The following CENPN variants were observed in gnomAD, a reference collection of about 807,000 sequenced individuals.
The protein encoded by CENPN is centromere protein N.
Under a neutral mutation model 48.6 loss-of-function variants are expected in CENPN, and 36 were observed. That is an observed-to-expected ratio of 0.74 (90% CI 0.57 to 0.98). The LOEUF is 0.98. Ranked by LOEUF, CENPN falls within the 50% of genes least tolerant of loss-of-function variation. The pLI, the probability that CENPN is intolerant of heterozygous loss-of-function variation, is 0.00. For synonymous variants in CENPN, 166 were observed against 135.2 expected, an observed-to-expected ratio of 1.23 and a Z score of -1.58; for missense variants, 439 against 399.2, an observed-to-expected ratio of 1.10 and a Z score of -0.85.
At chr16:81,014,713 C>T (rs571200434) in intron 3 of CENPN, among the ~76,000 whole-genome samples, 4 of 152,174 alleles carry the variant, frequency 2.6e-5, no homozygotes, top group Non-Finnish European at 5.9e-5. Flanking sequence ...AGGTAGTGCC[C>T]GAGAAGCTGT....
At chr16:81,009,751 C>G (rs887218385) in intron 1 of CENPN, among the ~76,000 whole-genome samples, 1 of 152,194 alleles carries the variant, frequency 6.6e-6, no homozygotes, top group Non-Finnish European at 1.5e-5. Flanking sequence ...TAGGAAGATA[C>G]TTCTTTGTCC....
At chr16:81,021,651 C>T (rs1970209605) in intron 6 of CENPN, among the ~76,000 whole-genome samples, 1 of 152,152 alleles carries the variant, frequency 6.6e-6, no homozygotes, top group African/African-American at 2.4e-5. Flanking sequence ...CACTTCTTTA[C>T]ATTTGGGGTC....
At chr16:81,020,869 C>G (rs532647539) in intron 6 of CENPN, among the ~76,000 whole-genome samples, 7 of 152,208 alleles carry the variant, frequency 4.6e-5, no homozygotes, top group African/African-American at 1.4e-4. Flanking sequence ...GCAGGTGGAT[C>G]ACCTGAAGTC....
chr16:81,014,501 G>A (rs1969862112), intron 3 of CENPN: 2 of 281,518 alleles, frequency 7.1e-6, no homozygotes, highest in African/African-American at 2.2e-5. Flanking sequence ...GGGATTATAG[G>A]TGTGAACCGC....
chr16:81,016,626 T>C (rs939213852), intron 3 of CENPN, among the ~76,000 whole-genome samples: 10 of 152,054 alleles, frequency 6.6e-5, no homozygotes, highest in African/African-American at 2.4e-4. Context: ...AGCCAGGCGT[T>C]GTGGCAGGCA....
At chr16:81,022,769 T>C (rs748497645) in intron 7 of CENPN, 71 bp downstream of exon 7, 1 of 1,613,996 alleles carries the variant, frequency 6.2e-7, no homozygotes, top group Non-Finnish European at 8.5e-7. Flanking sequence ...TAGAAGCTAC[T>C]GGGAAAATCT....
intron 8 of CENPN, among the ~76,000 whole-genome samples, chr16:81,026,182 T>C (rs1453062758): frequency 1.4e-5 from 2 of 146,292 alleles, no homozygotes; most frequent in Non-Finnish European, 3.0e-5. Context: ...TATATATGTG[T>C]GTGTATATAT....
In CENPN at chr16:81,030,044, A is replaced by C. The variant is rs111407364; in HGVS notation, c.*1393A>C. ...AGAGAGCTTGTGCAGGGAAACTCCC[A>C]TTTATAAAACCACCAGAGCTCATGA... On this transcript the variant is annotated 3_prime_UTR_variant, in exon 11 of 11. Transcript: ENST00000305850. 534 of 245,428 alleles carry C rather than the reference A, an allele frequency of 2.2e-3. 6 individuals carry two copies. Among genetic ancestry groups the C allele is most frequent in the African/African-American group, 0.012 (497 of 43,134 alleles). 15.2% of individuals were successfully genotyped at this position (245,428 alleles called of 1,614,324 possible).
At chr16:81,028,065 T>C in intron 9 of CENPN, 106 bp from the exon 10 acceptor site, 2 of 1,007,696 alleles carry the variant, frequency 2.0e-6, no homozygotes. Flanking sequence ...TTCCTGTATT[T>C]CTTAATGGCA....
chr16:81,009,215 TA>T (rs1162007116), intron 1 of CENPN, among the ~76,000 whole-genome samples: 2 of 151,778 alleles, frequency 1.3e-5, no homozygotes, highest in East Asian at 1.9e-4. Flanking sequence ...AGATTCCGTC[TA>T]AAAAAAAGGA....
At position 81,024,695 on chromosome 16, in the gene CENPN, A is replaced by G. The variant is rs573612563; in HGVS notation, c.634-20A>G. On this transcript the variant is annotated intron_variant, in intron 7 of 10. Transcript: ENST00000305850. The stretch of plus-strand genomic sequence containing the variant: ...TTCAAGATGTCAAGATTAGTAAAAT[A>G]TTCACTTTTTTTTCCCTAGACCTTT... The G allele has an allele frequency of 2.6e-6, 4 of 1,555,444 alleles. No homozygotes were observed. The South Asian group carries it at 4.6e-5, about 18-fold the overall frequency.
chr16:81,027,353 TG>T (rs1437014290), intron 9 of CENPN, among the ~76,000 whole-genome samples: 1 of 152,026 alleles, frequency 6.6e-6, no homozygotes, highest in Non-Finnish European at 1.5e-5. Flanking sequence ...CAAGGTGTGG[TG>T]GCATGTGGCT....
At chr16:81,023,058 G>C (rs995829266) in intron 7 of CENPN, 31 of 548,468 alleles carry the variant, frequency 5.7e-5, no homozygotes, top group Non-Finnish European at 8.7e-5. Flanking sequence ...TTAACTTTTT[G>C]TCCCATCACT....
Position 81,028,682 on chromosome 16 carries a change from C to G in CENPN, c.*31C>G, listed in dbSNP as rs1218851920. On this transcript the variant is annotated 3_prime_UTR_variant, in exon 11 of 11. Coordinates refer to ENST00000305850, the MANE Select transcript of CENPN (RefSeq NM_001100624.3). The stretch of plus-strand genomic sequence containing the variant: ...GCGTGGTTTCTTAAGCACAGCTCCT[C>G]CTTCTTGATATTGCACATGCACTTC... The G allele has an allele frequency of 1.2e-5, 19 of 1,597,212 alleles. No homozygotes were observed. The highest frequency in any genetic ancestry group is 1.4e-5 in the Non-Finnish European group (17 of 1,175,622).
At chr16:81,024,478 C>G (rs867248002) in intron 7 of CENPN, 10 of 356,926 alleles carry the variant, frequency 2.8e-5, no homozygotes, top group African/African-American at 2.1e-4. Flanking sequence ...TCTGCACTCA[C>G]CAGATCCATT....
At position 81,026,567 on chromosome 16, in the gene CENPN, A is replaced by G; in HGVS notation, c.739A>G (p.Arg247Gly). ...TCATGAAAACATAGTAGAAAAAGAG[A>G]GAGTCCAACGAATAACTCAAGAAAC... Reference protein sequence around the residue: ...IIHENIVEKERVQRITQETFG... With the variant: ...IIHENIVEKEGVQRITQETFG... The change falls in exon 9 of 11, where the codon AGA becomes GGA. Residue 247 changes from arginine (R) to glycine (G), a missense_variant. Physicochemically the swap from Arg to Gly is moderately radical, Grantham distance 125 (BLOSUM62 -2). Transcript: ENST00000305850. 1 of 1,607,190 alleles carries G rather than the reference A, an allele frequency of 6.2e-7. No individual in the cohort carries two copies. The highest frequency in any genetic ancestry group is 8.5e-7 in the Non-Finnish European group (1 of 1,175,016).
rs140837917 is a variant in CENPN, at chr16:81,026,002, C to G, written c.698-524C>G. On this transcript the variant is annotated intron_variant, in intron 8 of 10. Transcript: ENST00000305850. ...ACAGGTGTGAGCCACCGTGCCCAGC[C>G]GAGACCCCATCTCTTAAAAAAAATA... Among the ~76,000 whole-genome samples, 17 of 148,820 alleles carry G rather than the reference C, an allele frequency of 1.1e-4. No individual in the cohort carries two copies. In the South Asian group the frequency reaches 2.1e-3, roughly 19 times the overall value.
In CENPN at chr16:81,019,394, T is replaced by C. The variant is rs542409980; in HGVS notation, c.355-706T>C. Among the ~76,000 whole-genome samples, 78 of 151,488 alleles carry C rather than the reference T, an allele frequency of 5.1e-4. 2 individuals are homozygous for C. Among genetic ancestry groups the C allele is most frequent in the African/African-American group, 1.8e-3 (75 of 41,216 alleles). Reference sequence around the variant, plus strand: ...ACCGTGCCTGGCTTTTTTTTTTTTTTCCGGTAGATACTGAGTTTCACTATG... The same window carrying C: ...ACCGTGCCTGGCTTTTTTTTTTTTTCCCGGTAGATACTGAGTTTCACTATG... On this transcript the variant is annotated intron_variant, in intron 5 of 10. Coordinates refer to ENST00000305850, the MANE Select transcript of CENPN (RefSeq NM_001100624.3).
At chr16:81,027,304 G>A (rs1030560013) in intron 9 of CENPN, among the ~76,000 whole-genome samples, 19 of 152,072 alleles carry the variant, frequency 1.2e-4, no homozygotes, top group Non-Finnish European at 1.6e-4. Context: ...CAGCCTGGGC[G>A]ACACAGCAAA....
Sources: allele counts gnomAD v4.1 joint callset (sites outside exome capture counted in the v4.1 genomes callset), GRCh38; gene constraint gnomAD v4.1.1; transcripts MANE v1.5; gene names NCBI Gene and HGNC (gene_info 2026-07-23, HGNC 2026-07-21).